Variants in NAV2 observed in about 807,000 individuals in gnomAD.
The protein encoded by NAV2 is helicase, APC down-regulated 1.
NAV2 carries 54 observed loss-of-function variants against 223.2 expected under a neutral mutation model. The ratio of observed to expected loss-of-function variants is 0.24; its 90% CI spans 0.19 to 0.30. The LOEUF is 0.30. NAV2 is among the 10% of genes least tolerant of loss of function. The probability of loss-of-function intolerance (pLI) is 1.00; values close to 1 mark genes in which losing one functional copy is unlikely to be tolerated. For synonymous variants in NAV2, 1,279 were observed against 1,239.3 expected (o/e 1.03, Z -0.67); for missense variants, 2,806 against 3,147.5 (o/e 0.89, Z 2.60).
intron 1 of NAV2, among the ~76,000 whole-genome samples, chr11:19,549,062 G>T (rs909596962): frequency 7.2e-5 from 11 of 152,150 alleles, no homozygotes; most frequent in Non-Finnish European, 1.6e-4. Flanking sequence ...GGGGCTTGAA[G>T]ATCATCTAGA....
intron 1 of NAV2, among the ~76,000 whole-genome samples, chr11:19,620,199 C>T (rs1007632463): frequency 2.7e-4 from 41 of 152,188 alleles, no homozygotes; most frequent in Non-Finnish European, 5.3e-4. Flanking sequence ...AGCATGATGC[C>T]TCCAGCTTTG....
intron 11 of NAV2, among the ~76,000 whole-genome samples, chr11:20,009,496 G>A (rs11604681): frequency 0.069 from 10,529 of 152,254 alleles, 408 homozygotes; most frequent in South Asian, 0.11. Context: ...TTTTTAAAAC[G>A]CTGACTTTGT....
At chr11:19,494,171 C>T (rs2042720887) in intron 1 of NAV2, among the ~76,000 whole-genome samples, 1 of 152,194 alleles carries the variant, frequency 6.6e-6, no homozygotes, top group South Asian at 2.1e-4. Flanking sequence ...GACAAGGCAG[C>T]TGAAAGAAGT....
intron 1 of NAV2, among the ~76,000 whole-genome samples, chr11:19,800,131 T>G (rs2058151485): frequency 6.6e-6 from 1 of 152,176 alleles, no homozygotes; most frequent in African/African-American, 2.4e-5. Context: ...TCTCCCAACC[T>G]CTTCTATCCA....
At chr11:19,484,875 C>T (rs1161060579) in intron 1 of NAV2, among the ~76,000 whole-genome samples, 1 of 152,210 alleles carries the variant, frequency 6.6e-6, no homozygotes, top group Non-Finnish European at 1.5e-5. Context: ...CCTGCCCCAG[C>T]CAGCACCCAT....
chr11:19,616,420 G>A (rs531523775), intron 1 of NAV2, among the ~76,000 whole-genome samples: 11 of 151,946 alleles, frequency 7.2e-5, no homozygotes, highest in African/African-American at 2.7e-4. Context: ...GTATATGCCC[G>A]CCTTTCTCCC....
At chr11:19,688,505 G>GA (rs1186899421) in intron 1 of NAV2, among the ~76,000 whole-genome samples, 7 of 152,100 alleles carry the variant, frequency 4.6e-5, no homozygotes, top group African/African-American at 7.2e-5. Context: ...TACATTTTAA[G>GA]AAAAAATATA....
At chr11:20,056,612 C>G (rs142408639) in intron 19 of NAV2, 9 of 1,612,906 alleles carry the variant, frequency 5.6e-6, no homozygotes, top group Non-Finnish European at 6.8e-6. Flanking sequence ...TGTTCCATCA[C>G]GCAAGGTATG....
chr11:19,524,567 G>T (rs1012091334), intron 1 of NAV2, among the ~76,000 whole-genome samples: 5 of 152,196 alleles, frequency 3.3e-5, no homozygotes, highest in Non-Finnish European at 7.3e-5. Context: ...GATCTAGTGA[G>T]TTCAGCTCCC....
At chr11:19,869,356 T>C (rs1187289871) in intron 4 of NAV2, among the ~76,000 whole-genome samples, 1 of 152,242 alleles carries the variant, frequency 6.6e-6, no homozygotes, top group African/African-American at 2.4e-5. Flanking sequence ...CCACAGAGCA[T>C]ATTTCAGCTG....
intron 7 of NAV2, among the ~76,000 whole-genome samples, chr11:19,935,185 G>A (rs920339582): frequency 3.3e-5 from 5 of 152,178 alleles, no homozygotes; most frequent in African/African-American, 1.2e-4. Context: ...TGCCTGATTC[G>A]ATCCTGTGCT....
chr11:19,989,185 T>G (rs567985360), intron 11 of NAV2, among the ~76,000 whole-genome samples: 13 of 152,152 alleles, frequency 8.5e-5, no homozygotes, highest in Non-Finnish European at 1.9e-4. Context: ...GGAATTAAGG[T>G]TGCCAGTCAG....
intron 1 of NAV2, among the ~76,000 whole-genome samples, chr11:19,738,474 G>A (rs1466599404): frequency 2.6e-5 from 4 of 152,220 alleles, no homozygotes; most frequent in African/African-American, 7.2e-5. Context: ...GAGAAAATAC[G>A]GAGACCATAA....
At chr11:20,038,331 G>GT (rs752005182) in intron 12 of NAV2, among the ~76,000 whole-genome samples, 2 of 151,780 alleles carry the variant, frequency 1.3e-5, no homozygotes, top group Admixed American at 6.6e-5. Context: ...CATTGGGTAG[G>GT]TTTTTTTTCC....
At chr11:19,463,326 C>T (rs1315179425) in intron 1 of NAV2, among the ~76,000 whole-genome samples, 1 of 152,216 alleles carries the variant, frequency 6.6e-6, no homozygotes, top group Non-Finnish European at 1.5e-5. Flanking sequence ...ACAAAGTTGC[C>T]TTCGAGCAGC....
intron 1 of NAV2, among the ~76,000 whole-genome samples, chr11:19,406,767 C>CG (rs1849916396): frequency 6.6e-6 from 1 of 152,062 alleles, no homozygotes; most frequent in Admixed American, 6.5e-5. Context: ...GCTTAGTTCC[C>CG]GGCCCTTGAA....
intron 3 of NAV2, among the ~76,000 whole-genome samples, chr11:19,849,491 C>T (rs2060996767): frequency 6.6e-6 from 1 of 152,194 alleles, no homozygotes. Flanking sequence ...CTCGAAGAGC[C>T]CTGGCGCCAG....
At chr11:20,061,080 T>G (rs2058671202) in intron 19 of NAV2, among the ~76,000 whole-genome samples, 1 of 152,078 alleles carries the variant, frequency 6.6e-6, no homozygotes, top group Admixed American at 6.5e-5. Flanking sequence ...GGTGTGGGAG[T>G]AGAGCCATTC....
At chr11:19,776,607 T>TGTGTGTGTGTGTGTGG (rs1480460414) in intron 1 of NAV2, among the ~76,000 whole-genome samples, 3 of 103,342 alleles carry the variant, frequency 2.9e-5, no homozygotes, top group Non-Finnish European at 6.8e-5. Flanking sequence ...TGTGTGTGTG[T>TGTGTGTGTGTGTGTGG]GGTTAGAGTT....
Sources: allele counts gnomAD v4.1 joint callset (sites outside exome capture counted in the v4.1 genomes callset), GRCh38; gene constraint gnomAD v4.1.1; transcripts MANE v1.5; gene names NCBI Gene and HGNC (gene_info 2026-07-23, HGNC 2026-07-21).